POT1: variants seen among roughly 807,000 people sequenced by gnomAD.
POT1 encodes protection of telomeres 1.
In POT1, 47 loss-of-function variants were observed where a neutral mutation model predicts 78.5. The observed-to-expected ratio is 0.60, with a 90% CI of 0.47 to 0.76. The LOEUF is 0.76. Among genes scored for constraint, POT1 ranks in the 30% least tolerant of loss-of-function variants. The pLI is 0.00. For synonymous variants in POT1, 259 were observed against 260.7 expected, an observed-to-expected ratio of 0.99 and a Z score of 0.06; for missense variants, 646 against 749.9, an observed-to-expected ratio of 0.86 and a Z score of 1.62.
At chr7:124,875,798 T>C (rs963557287) in intron 6 of POT1, among the ~76,000 whole-genome samples, 15 of 152,178 alleles carry the variant, frequency 9.9e-5, no homozygotes, top group African/African-American at 3.6e-4. Flanking sequence ...AGTAAGTCAT[T>C]CAACAAAAAT....
intron 17 of POT1, among the ~76,000 whole-genome samples, chr7:124,826,302 C>A (rs1267624829): frequency 6.6e-6 from 1 of 152,168 alleles, no homozygotes; most frequent in Non-Finnish European, 1.5e-5. Flanking sequence ...ATGTCTGGAA[C>A]TTTCCTGGAC....
chr7:124,823,863 A>G lies in POT1; in HGVS notation c.*99T>C, dbSNP rs1284591062. 7 of 760,566 alleles carry G rather than the reference A, an allele frequency of 9.2e-6. No homozygotes were observed. Among genetic ancestry groups the G allele is most frequent in the Non-Finnish European group, 1.6e-5 (7 of 435,072 alleles). 47.1% of individuals were successfully genotyped at this position (760,566 alleles called of 1,614,324 possible). On this transcript the variant is annotated 3_prime_UTR_variant, in exon 19 of 19. Transcript: ENST00000357628. ...TTTCTAATCCCATACCCATGCTAAC[A>G]TCATCAACATTGCTGATACAAAACT...
intron 6 of POT1, among the ~76,000 whole-genome samples, chr7:124,889,320 T>G (rs1333960488): frequency 6.6e-6 from 1 of 151,906 alleles, no homozygotes; most frequent in African/African-American, 2.4e-5. Context: ...CCAAGAGAGG[T>G]GGGAAGGCTA....
chr7:124,824,505 G>A (rs1053783672), intron 18 of POT1, among the ~76,000 whole-genome samples: 1 of 152,050 alleles, frequency 6.6e-6, no homozygotes, highest in African/African-American at 2.4e-5. Context: ...CTTGGTTAGA[G>A]ATCAACACAA....
intron 13 of POT1, 73 bp downstream of exon 13, chr7:124,842,734 C>T: frequency 1.6e-6 from 2 of 1,259,368 alleles, no homozygotes; most frequent in East Asian, 2.7e-5. Context: ...TCCTAAGACA[C>T]AAAATTATAC....
intron 6 of POT1, among the ~76,000 whole-genome samples, chr7:124,891,671 T>C (rs1242811747): frequency 6.6e-6 from 1 of 151,628 alleles, no homozygotes; most frequent in African/African-American, 2.4e-5. Context: ...TCATTTTCTT[T>C]TGTGTATCTT....
At chr7:124,876,085 C>G (rs1795983334) in intron 6 of POT1, among the ~76,000 whole-genome samples, 1 of 152,096 alleles carries the variant, frequency 6.6e-6, no homozygotes, top group Non-Finnish European at 1.5e-5. Context: ...CAGCTGCTCT[C>G]TCCAAAAAAA....
In POT1 at chr7:124,859,127, T is replaced by C. The variant is rs769778931; in HGVS notation, c.547-15A>G. On this transcript the variant is annotated splice_polypyrimidine_tract_variant and intron_variant, in intron 8 of 18. Transcript: ENST00000357628. ...CCATCCCATACCTGCCATAAGAGAG[T>C]AGAGTAGTTTTATGATCCTTTTGAA... 2 of 1,499,694 alleles carry C rather than the reference T, an allele frequency of 1.3e-6. No homozygotes were observed. Among genetic ancestry groups the C allele is most frequent in the South Asian group, 1.5e-5 (1 of 68,102 alleles). 92.9% of individuals were successfully genotyped at this position (1,499,694 alleles called of 1,614,324 possible). A position where few individuals can be genotyped will look rare whatever the true frequency, so the allele number is the denominator to read the frequency against.
At chr7:124,853,188 C>CT (rs1033321307) in intron 9 of POT1, 50 bp from the exon 10 acceptor site, 2 of 1,383,362 alleles carry the variant, frequency 1.4e-6, no homozygotes, top group Non-Finnish European at 2.0e-6. Context: ...AATTAAAATA[C>CT]TTCTGATATT....
chr7:124,826,928 T>TA (rs1794644788), intron 17 of POT1, among the ~76,000 whole-genome samples: 1 of 152,146 alleles, frequency 6.6e-6, no homozygotes, highest in South Asian at 2.1e-4. Flanking sequence ...TGACTACAAA[T>TA]AATGCTTCCA....
At chr7:124,835,721 ATAAAT>A (rs1224629138) in intron 14 of POT1, among the ~76,000 whole-genome samples, 2 of 152,214 alleles carry the variant, frequency 1.3e-5, no homozygotes, top group East Asian at 1.9e-4. Flanking sequence ...AAGAGGGAAT[ATAAAT>A]TAAAAGCTAA....
intron 6 of POT1, among the ~76,000 whole-genome samples, chr7:124,874,714 G>A (rs75358947): frequency 0.028 from 4,252 of 149,600 alleles, 96 homozygotes; most frequent in Non-Finnish European, 0.047. Flanking sequence ...CAGTCTGGAT[G>A]ATAGCGTGAG....
intron 6 of POT1, among the ~76,000 whole-genome samples, chr7:124,879,031 AATT>A (rs1397802927): frequency 6.6e-6 from 1 of 152,128 alleles, no homozygotes; most frequent in Non-Finnish European, 1.5e-5. Context: ...ATTTAAAAGG[AATT>A]ATATTTTCCA....
At chr7:124,837,602 C>T (rs1794929226) in intron 14 of POT1, among the ~76,000 whole-genome samples, 1 of 151,800 alleles carries the variant, frequency 6.6e-6, no homozygotes, top group Non-Finnish European at 1.5e-5. Context: ...AAAAAGTCAC[C>T]AGGCTCAGAT....
chr7:124,883,672 C>A (rs1276771849), intron 6 of POT1, among the ~76,000 whole-genome samples: 1 of 151,878 alleles, frequency 6.6e-6, no homozygotes, highest in Admixed American at 6.6e-5. Flanking sequence ...GTGGGAGAAG[C>A]ATGAACCATA....
chr7:124,864,695 T>C (rs1795678969), intron 7 of POT1, among the ~76,000 whole-genome samples: 1 of 152,158 alleles, frequency 6.6e-6, no homozygotes, highest in Non-Finnish European at 1.5e-5. Context: ...TTACGCGTTC[T>C]ACTTCACAAA....
intron 12 of POT1, among the ~76,000 whole-genome samples, chr7:124,846,403 ATAAATTTGT>A (rs532804985): frequency 5.1e-4 from 77 of 152,228 alleles, no homozygotes; most frequent in African/African-American, 1.8e-3. Context: ...AGCACATTTA[ATAAATTTGT>A]GGTTAAAAAT....
chr7:124,918,830 A>G (rs1016662762), intron 2 of POT1, among the ~76,000 whole-genome samples: 11 of 152,128 alleles, frequency 7.2e-5, no homozygotes, highest in African/African-American at 2.7e-4. Context: ...TAGCTGCCCT[A>G]TATAAACTCC....
intron 6 of POT1, among the ~76,000 whole-genome samples, chr7:124,888,760 T>C (rs1251212014): frequency 6.6e-6 from 1 of 152,060 alleles, no homozygotes; most frequent in Non-Finnish European, 1.5e-5. Flanking sequence ...GTATCTGTTA[T>C]GGTGATCTGT....
Sources: allele counts gnomAD v4.1 joint callset (sites outside exome capture counted in the v4.1 genomes callset), GRCh38; gene constraint gnomAD v4.1.1; transcripts MANE v1.5; gene names NCBI Gene and HGNC (gene_info 2026-07-23, HGNC 2026-07-21).